PTPRD: variants seen among roughly 807,000 people sequenced by gnomAD.
PTPRD encodes receptor-type tyrosine-protein phosphatase delta.
In PTPRD, 34 loss-of-function variants were observed where a neutral mutation model predicts 214.5. That is an observed-to-expected ratio of 0.16 (90% CI 0.12 to 0.21). PTPRD has a LOEUF of 0.21. Among genes scored for constraint, PTPRD ranks in the 10% least tolerant of loss-of-function variants. The probability of loss-of-function intolerance (pLI) is 1.00; values close to 1 mark genes in which losing one functional copy is unlikely to be tolerated. For synonymous variants in PTPRD, 1,128 were observed against 845.7 expected, an observed-to-expected ratio of 1.33 and a Z score of -5.79; for missense variants, 2,545 against 2,398.7, an observed-to-expected ratio of 1.06 and a Z score of -1.27.
intron 11 of PTPRD, among the ~76,000 whole-genome samples, chr9:8,855,772 C>A (rs957169822): frequency 4.6e-5 from 7 of 152,156 alleles, no homozygotes; most frequent in Non-Finnish European, 8.8e-5. Flanking sequence ...TAATAACACC[C>A]ATTAATCCCC....
At chr9:8,724,122 G>C (rs1275116116) in intron 12 of PTPRD, among the ~76,000 whole-genome samples, 1 of 152,086 alleles carries the variant, frequency 6.6e-6, no homozygotes, top group Non-Finnish European at 1.5e-5. Context: ...AAAAAGATAA[G>C]TTTAGATAAA....
intron 8 of PTPRD, among the ~76,000 whole-genome samples, chr9:9,505,024 T>C (rs895436527): frequency 6.6e-6 from 1 of 151,628 alleles, no homozygotes; most frequent in Admixed American, 6.6e-5. Context: ...CTGGAACTAG[T>C]AGTCAAGGAC....
intron 12 of PTPRD, among the ~76,000 whole-genome samples, chr9:8,721,553 T>C (rs2098498660): frequency 6.6e-6 from 1 of 152,102 alleles, no homozygotes; most frequent in Non-Finnish European, 1.5e-5. Context: ...AAATAAAATA[T>C]TAACAAAATT....
chr9:10,313,397 T>TACAC (rs60788124), intron 3 of PTPRD, among the ~76,000 whole-genome samples: 28 of 148,450 alleles, frequency 1.9e-4, no homozygotes, highest in East Asian at 4.0e-4. Flanking sequence ...AGGTACAGAT[T>TACAC]ACACACACAC....
chr9:9,939,810 A>C (rs879725379), intron 4 of PTPRD, among the ~76,000 whole-genome samples: 3 of 152,142 alleles, frequency 2.0e-5, no homozygotes, highest in Admixed American at 6.6e-5. Flanking sequence ...TGAAGGGCTC[A>C]AGAAAGTCCC....
chr9:8,560,736 T>C lies in PTPRD; in HGVS notation c.353-31957A>G, dbSNP rs545925472. On this transcript the variant is annotated intron_variant, in intron 14 of 45. Transcript: ENST00000381196. ...ACAGTGGTTTCTCAAAGTGATGCAA[T>C]GATCATGCTGTGCCTGTATAAGGAG... Among the ~76,000 whole-genome samples the C allele has an allele frequency of 1.9e-3, 288 of 152,200 alleles. 1 individual carries two copies. Among genetic ancestry groups the C allele is most frequent in the Non-Finnish European group, 3.5e-3 (235 of 67,996 alleles).
intron 7 of PTPRD, among the ~76,000 whole-genome samples, chr9:9,697,029 C>G (rs992721920): frequency 6.6e-6 from 1 of 152,014 alleles, no homozygotes; most frequent in Admixed American, 6.6e-5. Context: ...CTTATCTGAT[C>G]ACAAAGAAAA....
At chr9:9,775,550 C>G (rs1220960651) in intron 5 of PTPRD, among the ~76,000 whole-genome samples, 1 of 152,200 alleles carries the variant, frequency 6.6e-6, no homozygotes, top group East Asian at 1.9e-4. Context: ...ATAAAAGATT[C>G]ATGCAGCATT....
intron 3 of PTPRD, among the ~76,000 whole-genome samples, chr9:10,036,379 T>C (rs1567228538): frequency 6.6e-6 from 1 of 152,022 alleles, no homozygotes; most frequent in East Asian, 1.9e-4. Context: ...TAAAGCCCTT[T>C]TGCTTATTAA....
intron 3 of PTPRD, among the ~76,000 whole-genome samples, chr9:10,334,903 A>T (rs1321534006): frequency 6.6e-6 from 1 of 151,742 alleles, no homozygotes; most frequent in Admixed American, 6.6e-5. Context: ...TATGTGATAT[A>T]CATGATACAC....
intron 3 of PTPRD, among the ~76,000 whole-genome samples, chr9:10,202,314 C>G (rs55687430): frequency 0.02 from 3,093 of 151,898 alleles, 44 homozygotes; most frequent in Non-Finnish European, 0.032. Context: ...CCCCCACAAC[C>G]AGGAGTTTCA....
chr9:10,101,169 G>A (rs403114), intron 3 of PTPRD, among the ~76,000 whole-genome samples: 93,220 of 151,300 alleles, frequency 0.62, 29,177 homozygotes, highest in East Asian at 0.71. Context: ...AAACTGCTTG[G>A]CTCATGACTG....
chr9:10,056,015 T>A (rs909912069), intron 3 of PTPRD, among the ~76,000 whole-genome samples: 1 of 151,364 alleles, frequency 6.6e-6, no homozygotes, highest in Admixed American at 6.6e-5. Context: ...TTTCTGAAAG[T>A]ACTTCTTAAG....
At chr9:9,446,326 G>A (rs1023252354) in intron 8 of PTPRD, among the ~76,000 whole-genome samples, 8 of 152,102 alleles carry the variant, frequency 5.3e-5, no homozygotes, top group Admixed American at 5.2e-4. Context: ...TCTCTTCACA[G>A]ATAAAACAAG....
At chr9:9,183,388 AATT>A (rs1403873123) in intron 9 of PTPRD, 25 bp from the exon 10 acceptor site, 1 of 151,438 alleles carries the variant, frequency 6.6e-6, no homozygotes, top group East Asian at 2.0e-4. Flanking sequence ...AGAAAGTAAC[AATT>A]ATTTAAAAAA....
rs1055642390 is a variant in PTPRD at position 9,007,198 on chromosome 9, T to C, written c.-104+11499A>G. On this transcript the variant is annotated intron_variant, in intron 11 of 45. Transcript: ENST00000381196. ...TTATGAGTAGAGGTATATGTAGAAA[T>C]ATACAGTAATCTGTTTTAGGAAAAT... 7.2e-5 allele frequency among the ~76,000 whole-genome samples: 11 copies of C among 151,758 alleles called. 1 individual carries two copies. Among genetic ancestry groups the C allele is most frequent in the Non-Finnish European group, 1.5e-5 (1 of 67,934 alleles).
intron 12 of PTPRD, among the ~76,000 whole-genome samples, chr9:8,724,894 C>T (rs139079196): frequency 1.2e-4 from 19 of 152,158 alleles, no homozygotes; most frequent in African/African-American, 3.1e-4. Flanking sequence ...GCCGAGATCG[C>T]GTCACTGCAC....
intron 9 of PTPRD, among the ~76,000 whole-genome samples, chr9:9,391,980 G>C (rs1285432988): frequency 1.3e-5 from 2 of 152,166 alleles, no homozygotes; most frequent in East Asian, 3.9e-4. Context: ...AATGATGAGA[G>C]TAGGGTGTTG....
At chr9:9,489,375 A>G (rs895239654) in intron 8 of PTPRD, among the ~76,000 whole-genome samples, 10 of 152,284 alleles carry the variant, frequency 6.6e-5, no homozygotes, top group African/African-American at 2.4e-4. Context: ...CCCACAAGAC[A>G]TACAAAGAGA....
Sources: allele counts gnomAD v4.1 joint callset (sites outside exome capture counted in the v4.1 genomes callset), GRCh38; gene constraint gnomAD v4.1.1; transcripts MANE v1.5; gene names NCBI Gene and HGNC (gene_info 2026-07-23, HGNC 2026-07-21).